Variants in EPB41L2 observed in about 807,000 individuals in gnomAD.
EPB41L2 encodes the protein erythrocyte membrane protein band 4.1 like 2.
In EPB41L2, 43 loss-of-function variants were observed where a neutral mutation model predicts 113.0. The observed-to-expected ratio is 0.38, with a 90% CI of 0.30 to 0.49. The LOEUF is 0.49. EPB41L2 is among the 20% of genes least tolerant of loss of function. The pLI is 0.95. For missense variants in EPB41L2, 1,147 were observed against 1,223.4 expected (o/e 0.94, Z 0.93); for synonymous variants, 442 against 436.7 (o/e 1.01, Z -0.15).
chr6:131,051,470 A>C (rs1372213931), intron 1 of EPB41L2, among the ~76,000 whole-genome samples: 4 of 136,184 alleles, frequency 2.9e-5, no homozygotes, highest in South Asian at 2.4e-4. Flanking sequence ...AAAAAAACAC[A>C]CACACACACA....
intron 1 of EPB41L2, among the ~76,000 whole-genome samples, chr6:131,061,143 T>G (rs1333174681): frequency 1.3e-5 from 2 of 152,174 alleles, no homozygotes; most frequent in Non-Finnish European, 2.9e-5. Context: ...TATGACTAAG[T>G]CTTTCTTACA....
At chr6:130,959,107 G>T (rs1208294211) in intron 1 of EPB41L2, among the ~76,000 whole-genome samples, 1 of 152,258 alleles carries the variant, frequency 6.6e-6, no homozygotes, top group South Asian at 2.1e-4. Context: ...CTTGATGTCC[G>T]GGCTGAATAT....
intron 5 of EPB41L2, among the ~76,000 whole-genome samples, chr6:130,906,255 C>T (rs757865498): frequency 1.3e-5 from 2 of 152,086 alleles, no homozygotes; most frequent in Non-Finnish European, 2.9e-5. Context: ...TTCTACTAGA[C>T]CACATATTTT....
chr6:130,959,890 T>C lies in EPB41L2; in HGVS notation c.-14-3391A>G, dbSNP rs144641255. ...CTCTAATTACTTTGGCTGTGAGAAATAGTCTGGGAACCAATCAACTAAGGC... is the reference window on the plus strand; with the variant it reads ...CTCTAATTACTTTGGCTGTGAGAAACAGTCTGGGAACCAATCAACTAAGGC... On this transcript the variant is annotated intron_variant, in intron 1 of 19. Coordinates refer to ENST00000337057, the MANE Select transcript of EPB41L2 (RefSeq NM_001431.4). Among the ~76,000 whole-genome samples, 490 of 152,304 alleles carry C rather than the reference T, an allele frequency of 3.2e-3. 7 individuals carry two copies. Among genetic ancestry groups the C allele is most frequent in the Admixed American group, 0.028 (433 of 15,298 alleles).
At chr6:130,918,664 A>G (rs1276894265) in intron 4 of EPB41L2, among the ~76,000 whole-genome samples, 1 of 152,222 alleles carries the variant, frequency 6.6e-6, no homozygotes, top group East Asian at 1.9e-4. Flanking sequence ...TGAGAGATAT[A>G]GTACTGTATT....
intron 1 of EPB41L2, among the ~76,000 whole-genome samples, chr6:131,062,823 G>A (rs186542151): frequency 0.01 from 1,579 of 151,964 alleles, 38 homozygotes; most frequent in African/African-American, 0.037. Flanking sequence ...CCGCCGGGAC[G>A]CGGCCCCGGT....
chr6:131,058,234 A>C (rs564142074), intron 1 of EPB41L2, among the ~76,000 whole-genome samples: 1 of 152,216 alleles, frequency 6.6e-6, no homozygotes, highest in African/African-American at 2.4e-5. Context: ...GTATGAATGC[A>C]CTCATAGATC....
At chr6:130,896,221 T>C (rs946697194) in intron 8 of EPB41L2, among the ~76,000 whole-genome samples, 1 of 152,246 alleles carries the variant, frequency 6.6e-6, no homozygotes, top group African/African-American at 2.4e-5. Context: ...AGTTGCTTTC[T>C]CTGCTGTGAC....
At chr6:130,860,609 T>A (rs892996668) in intron 18 of EPB41L2, among the ~76,000 whole-genome samples, 2 of 152,208 alleles carry the variant, frequency 1.3e-5, no homozygotes, top group Non-Finnish European at 2.9e-5. Context: ...CTCGGCTCAC[T>A]GCAAGCTCCG....
At chr6:130,870,456 A>T (rs1785278066) in intron 14 of EPB41L2, 6 of 1,450,252 alleles carry the variant, frequency 4.1e-6, no homozygotes, top group Non-Finnish European at 4.7e-6. Flanking sequence ...CAAACATCTG[A>T]CACTGCAAAG....
chr6:130,906,654 A>G (rs1458845582), intron 5 of EPB41L2, among the ~76,000 whole-genome samples: 1 of 152,234 alleles, frequency 6.6e-6, no homozygotes, highest in Non-Finnish European at 1.5e-5. Context: ...CAAATTTTAA[A>G]TGAGAATCAT....
intron 8 of EPB41L2, among the ~76,000 whole-genome samples, 154 bp from the exon 9 acceptor site, chr6:130,895,273 T>C (rs1372276921): frequency 6.6e-6 from 1 of 152,216 alleles, no homozygotes; most frequent in African/African-American, 2.4e-5. Flanking sequence ...ATGAAAACTA[T>C]GGCGCACACA....
rs60350565 is a variant in EPB41L2, at chr6:130,892,403, C to CTTTTTTTTTTTTTTTTTTTTTTTTTTTTT, written c.1488-1938_1488-1937insAAAAAAAAAAAAAAAAAAAAAAAAAAAAA. The stretch of plus-strand genomic sequence containing the variant: ...CTTGCCATTTCTGAACAGATTATTG[C>CTTTTTTTTTTTTTTTTTTTTTTTTTTTTT]TTTTTTTTTTTTTTTTTTTATCATT... On this transcript the variant is annotated intron_variant, in intron 10 of 19. Transcript: ENST00000337057. Among the ~76,000 whole-genome samples, 37 of 92,612 alleles carry CTTTTTTTTTTTTTTTTTTTTTTTTTTTTT rather than the reference C, an allele frequency of 4.0e-4. 5 individuals are homozygous for CTTTTTTTTTTTTTTTTTTTTTTTTTTTTT. Among genetic ancestry groups the CTTTTTTTTTTTTTTTTTTTTTTTTTTTTT allele is most frequent in the Admixed American group, 8.3e-4 (7 of 8,426 alleles). The allele number at this position is 92,612 out of a possible 152,430, so 60.8% of individuals were successfully genotyped here.
intron 1 of EPB41L2, among the ~76,000 whole-genome samples, chr6:130,971,452 C>T (rs1055532087): frequency 6.6e-6 from 1 of 152,130 alleles, no homozygotes; most frequent in African/African-American, 2.4e-5. Flanking sequence ...TATCACTATT[C>T]TTGTACTTTT....
chr6:131,001,995 A>T (rs1457815250), intron 1 of EPB41L2, among the ~76,000 whole-genome samples: 1 of 152,212 alleles, frequency 6.6e-6, no homozygotes, highest in East Asian at 1.9e-4. Flanking sequence ...TCTATTTTTC[A>T]GACATTCCTT....
chr6:130,966,998 T>C (rs767538363), intron 1 of EPB41L2, among the ~76,000 whole-genome samples: 16 of 152,300 alleles, frequency 1.1e-4, no homozygotes, highest in Non-Finnish European at 1.6e-4. Flanking sequence ...CCAATCTAGA[T>C]TGTTCCCCTA....
intron 9 of EPB41L2, 27 bp from the exon 10 acceptor site, chr6:130,894,468 G>C (rs755216157): frequency 6.3e-7 from 1 of 1,595,694 alleles, no homozygotes; most frequent in Admixed American, 1.7e-5. Flanking sequence ...AAACAAATCA[G>C]CATATTTCCT....
intron 3 of EPB41L2, among the ~76,000 whole-genome samples, chr6:130,932,680 T>C (rs1337512553): frequency 6.6e-6 from 1 of 152,226 alleles, no homozygotes; most frequent in Non-Finnish European, 1.5e-5. Flanking sequence ...ATGGCACTTA[T>C]TCTTCTATTC....
At chr6:130,846,285 T>C (rs1384401518) in intron 19 of EPB41L2, among the ~76,000 whole-genome samples, 1 of 152,222 alleles carries the variant, frequency 6.6e-6, no homozygotes, top group Non-Finnish European at 1.5e-5. Flanking sequence ...TCTTTCACTA[T>C]GTGATGATTT....
Sources: allele counts gnomAD v4.1 joint callset (sites outside exome capture counted in the v4.1 genomes callset), GRCh38; gene constraint gnomAD v4.1.1; transcripts MANE v1.5; gene names NCBI Gene and HGNC (gene_info 2026-07-23, HGNC 2026-07-21).